The following TMEM123 variants were observed in gnomAD, a reference collection of about 807,000 sequenced individuals.
TMEM123 encodes the protein porimin.
In TMEM123, 16 loss-of-function variants were observed where a neutral mutation model predicts 19.7. The observed-to-expected ratio is 0.81, with a 90% CI of 0.55 to 1.23. TMEM123 has a LOEUF of 1.23. TMEM123 is among the 50% of genes most tolerant of loss of function. The probability of loss-of-function intolerance (pLI) is 0.00; values close to 1 mark genes in which losing one functional copy is unlikely to be tolerated. For synonymous variants in TMEM123, 118 were observed against 99.4 expected, an observed-to-expected ratio of 1.19 and a Z score of -1.12; for missense variants, 313 against 257.8, an observed-to-expected ratio of 1.21 and a Z score of -1.47.
intron 2 of TMEM123, among the ~76,000 whole-genome samples, chr11:102,406,794 C>T (rs1201265502): frequency 6.6e-6 from 1 of 151,300 alleles, no homozygotes; most frequent in South Asian, 2.1e-4. Flanking sequence ...TGGCGTGAAC[C>T]TGGGAGGCAG....
At chr11:102,423,452 C>T (rs1952101863) in intron 2 of TMEM123, among the ~76,000 whole-genome samples, 3 of 152,188 alleles carry the variant, frequency 2.0e-5, no homozygotes, top group African/African-American at 7.2e-5. Flanking sequence ...GATACTCAGG[C>T]AGCCCTATGG....
intron 2 of TMEM123, among the ~76,000 whole-genome samples, chr11:102,440,708 T>C (rs1444319540): frequency 6.6e-6 from 1 of 152,170 alleles, no homozygotes; most frequent in Non-Finnish European, 1.5e-5. Flanking sequence ...ATATTAACCT[T>C]AAATGTAAAT....
Position 102,401,687 on chromosome 11 carries a change from T to C in TMEM123, c.454A>G (p.Thr152Ala). Residue 152 changes from threonine to alanine, a missense_variant, in exon 4 of 5, where the codon ACA (threonine) becomes GCA (alanine). Coordinates refer to ENST00000398136, the MANE Select transcript of TMEM123 (RefSeq NM_052932.3). Reference sequence around the variant, plus strand: ...TTCTTTGCTTCAGAATGCATAGTTGTTGTGACTAGAACAAAAGAAAACAAA... The same window carrying C: ...TTCTTTGCTTCAGAATGCATAGTTGCTGTGACTAGAACAAAAGAAAACAAA... ...TSAASSVTITTTMHSEAKKGS... is the reference protein window; with the variant it reads ...TSAASSVTITATMHSEAKKGS... The C allele has an allele frequency of 6.3e-7, 1 of 1,585,522 alleles. No homozygotes were observed. The highest frequency in any genetic ancestry group is 8.5e-7 in the Non-Finnish European group (1 of 1,173,158).
chr11:102,429,723 A>C (rs998497160), intron 2 of TMEM123, among the ~76,000 whole-genome samples: 1 of 152,186 alleles, frequency 6.6e-6, no homozygotes, highest in African/African-American at 2.4e-5. Flanking sequence ...CTTGTACTGT[A>C]AACTATTATA....
intron 2 of TMEM123, among the ~76,000 whole-genome samples, chr11:102,417,544 G>A (rs1459350022): frequency 6.6e-6 from 1 of 152,156 alleles, no homozygotes; most frequent in Non-Finnish European, 1.5e-5. Context: ...TGCTCATGGA[G>A]AGAAAGAATC....
chr11:102,446,325 CA>C (rs2135866381), intron 2 of TMEM123, among the ~76,000 whole-genome samples: 1 of 152,260 alleles, frequency 6.6e-6, no homozygotes, highest in Admixed American at 6.5e-5. Flanking sequence ...CAAGTCCCTG[CA>C]GACAAGAATG....
chr11:102,404,544 A>C (rs2135843431), intron 2 of TMEM123, among the ~76,000 whole-genome samples: 1 of 152,046 alleles, frequency 6.6e-6, no homozygotes, highest in East Asian at 1.9e-4. Context: ...TCAGCCTCTC[A>C]AAGTGCTAGT....
intron 1 of TMEM123, chr11:102,449,201 G>A: frequency 3.6e-6 from 1 of 274,218 alleles, no homozygotes; most frequent in South Asian, 4.0e-5. Context: ...CTGCCACTGA[G>A]GACTCTGCTC....
chr11:102,448,280 G>A, intron 2 of TMEM123: 2 of 456,222 alleles, frequency 4.4e-6, no homozygotes, highest in South Asian at 1.5e-5. Context: ...CCTGGTTCTT[G>A]CATCTTTCCA....
In TMEM123 at chr11:102,427,384, G is replaced by GGAGAAGGCAGAAGTGGAA. The variant is rs560590580; in HGVS notation, c.157+21410_157+21427dup. ...TGCCCAAGGACTATGAGGAACAAGGGGAGAAGGCAGAAGTGGAAGAGAAGG... is the reference window on the plus strand; with the variant it reads ...TGCCCAAGGACTATGAGGAACAAGGGGAGAAGGCAGAAGTGGAAGAGAAGGCAGAAGTGGAAGAGAAGG... On this transcript the variant is annotated intron_variant, in intron 2 of 4. Coordinates refer to ENST00000398136, the MANE Select transcript of TMEM123 (RefSeq NM_052932.3). 1.7e-4 allele frequency among the ~76,000 whole-genome samples: 26 copies of GGAGAAGGCAGAAGTGGAA among 151,970 alleles called. No homozygotes were observed. The East Asian group carries it at 3.1e-3, about 18-fold the overall frequency.
chr11:102,448,571 C>T (rs373867830), intron 2 of TMEM123, among the ~76,000 whole-genome samples: 77 of 152,292 alleles, frequency 5.1e-4, no homozygotes, highest in African/African-American at 1.8e-3. Context: ...CATGAAATTC[C>T]GATACACTTT....
At chr11:102,421,629 T>C (rs1444400550) in intron 2 of TMEM123, among the ~76,000 whole-genome samples, 3 of 152,132 alleles carry the variant, frequency 2.0e-5, no homozygotes, top group Non-Finnish European at 4.4e-5. Context: ...GTAAAGGCAC[T>C]AGAAAATTTA....
At chr11:102,402,961 G>T (rs997493324) in intron 2 of TMEM123, among the ~76,000 whole-genome samples, 7 of 152,114 alleles carry the variant, frequency 4.6e-5, no homozygotes, top group Non-Finnish European at 1.0e-4. Context: ...TTTTTGGGGG[G>T]TATAATGTAA....
chr11:102,432,479 C>G (rs186355470), intron 2 of TMEM123, among the ~76,000 whole-genome samples: 1 of 152,112 alleles, frequency 6.6e-6, no homozygotes, highest in Non-Finnish European at 1.5e-5. Flanking sequence ...TCGAGAGACA[C>G]GATTTAGGGT....
chr11:102,434,257 TC>T (rs1430306317), intron 2 of TMEM123, among the ~76,000 whole-genome samples: 2 of 151,932 alleles, frequency 1.3e-5, no homozygotes. Context: ...ACATTTGTTA[TC>T]TTTTGTCTTT....
In TMEM123 at chr11:102,413,775, G is replaced by A. The variant is rs12576764; in HGVS notation, c.158-11569C>T. 6.0e-4 allele frequency among the ~76,000 whole-genome samples: 92 copies of A among 152,288 alleles called. 1 individual carries two copies. The East Asian group carries it at 0.013, about 22-fold the overall frequency. The stretch of plus-strand genomic sequence containing the variant: ...CCCACACAGCTGAGAAAGAACCAGC[G>A]CAAGAACTCTGGCAACTCAAAAAGC... On this transcript the variant is annotated intron_variant, in intron 2 of 4. Transcript: ENST00000398136.
chr11:102,416,911 CAAAG>C (rs1026693298), intron 2 of TMEM123, among the ~76,000 whole-genome samples: 1 of 152,022 alleles, frequency 6.6e-6, no homozygotes, highest in South Asian at 2.1e-4. Flanking sequence ...TCTCAGTAAA[CAAAG>C]AAAAGGCTTT....
At chr11:102,400,656 G>A (rs1951904528) in intron 4 of TMEM123, among the ~76,000 whole-genome samples, 1 of 152,224 alleles carries the variant, frequency 6.6e-6, no homozygotes, top group Non-Finnish European at 1.5e-5. Flanking sequence ...CCTTGGGAAG[G>A]TAGTTAGGTC....
chr11:102,414,363 T>C (rs986633828), intron 2 of TMEM123, among the ~76,000 whole-genome samples: 1 of 152,090 alleles, frequency 6.6e-6, no homozygotes, highest in Non-Finnish European at 1.5e-5. Context: ...TCCTGCAAGA[T>C]ACCATACAAG....
Sources: gnomAD v4.1 joint callset for allele counts (sites outside exome capture counted in the v4.1 genomes callset) on GRCh38, gnomAD v4.1.1 for gene constraint, MANE v1.5 for transcripts, NCBI Gene and HGNC (gene_info 2026-07-23, HGNC 2026-07-21) for gene names.